BBS9: variants seen among roughly 807,000 people sequenced by gnomAD.
BBS9 encodes Bardet-Biedl syndrome 9.
A neutral mutation model predicts 117.7 loss-of-function variants in BBS9; 89 were observed. The observed-to-expected ratio is 0.76, with a 90% CI of 0.64 to 0.90. The LOEUF is 0.90. BBS9 is among the 40% of genes least tolerant of loss of function. The pLI is 0.00. For missense variants in BBS9, 982 were observed against 1,042.2 expected (o/e 0.94, Z 0.80); for synonymous variants, 379 against 370.9 (o/e 1.02, Z -0.25).
chr7:33,228,895 G>T (rs1349328424), intron 5 of BBS9, among the ~76,000 whole-genome samples: 3 of 151,938 alleles, frequency 2.0e-5, no homozygotes, highest in Non-Finnish European at 4.4e-5. Flanking sequence ...ACGTATAAGG[G>T]GACCCACACA....
intron 9 of BBS9, among the ~76,000 whole-genome samples, chr7:33,335,487 C>T (rs1423092795): frequency 6.6e-6 from 1 of 152,102 alleles, no homozygotes; most frequent in East Asian, 1.9e-4. Flanking sequence ...TGTATCAACT[C>T]AAAATGGCTT....
At chr7:33,169,637 C>T (rs1381283838) in intron 4 of BBS9, among the ~76,000 whole-genome samples, 53 of 150,318 alleles carry the variant, frequency 3.5e-4, no homozygotes, top group African/African-American at 9.8e-4. Context: ...TCATGTCCTT[C>T]GCCCACTTTT....
At chr7:33,617,492 A>T (rs143481417) in intron 21 of BBS9, among the ~76,000 whole-genome samples, 3,349 of 152,264 alleles carry the variant, frequency 0.022, 68 homozygotes, top group South Asian at 0.11. Flanking sequence ...GATCACAGAT[A>T]ATCAGGGAAA....
intron 20 of BBS9, among the ~76,000 whole-genome samples, chr7:33,507,472 G>A (rs1442607397): frequency 3.3e-5 from 5 of 152,118 alleles, no homozygotes; most frequent in Non-Finnish European, 7.3e-5. Context: ...TTGAACTCTT[G>A]ACCTCAAGTG....
intron 9 of BBS9, among the ~76,000 whole-genome samples, chr7:33,319,724 A>G (rs918743512): frequency 1.3e-5 from 2 of 152,218 alleles, no homozygotes; most frequent in Non-Finnish European, 2.9e-5. Flanking sequence ...TAATTAAACT[A>G]AAGAGCTTCT....
chr7:33,544,094 C>T (rs1331908162), intron 21 of BBS9, among the ~76,000 whole-genome samples: 5 of 152,004 alleles, frequency 3.3e-5, no homozygotes, highest in African/African-American at 1.2e-4. Flanking sequence ...AATATTTCTC[C>T]TTTCACTTCT....
chr7:33,446,764 C>T (rs1025683751), intron 19 of BBS9, among the ~76,000 whole-genome samples: 3 of 152,116 alleles, frequency 2.0e-5, no homozygotes, highest in African/African-American at 4.8e-5. Flanking sequence ...GCAATATTAG[C>T]GAAAGAAATT....
At chr7:33,311,359 T>G (rs1225532927) in intron 9 of BBS9, among the ~76,000 whole-genome samples, 1 of 152,136 alleles carries the variant, frequency 6.6e-6, no homozygotes, top group Non-Finnish European at 1.5e-5. Flanking sequence ...GATTTGCATT[T>G]TATAGAAGGC....
chr7:33,371,990 G>A (rs904780004), intron 17 of BBS9, among the ~76,000 whole-genome samples: 5 of 152,140 alleles, frequency 3.3e-5, no homozygotes, highest in African/African-American at 1.2e-4. Flanking sequence ...TAAGGAAATC[G>A]GTGACGATTA....
chr7:33,408,200 T>C (rs1400352036), intron 19 of BBS9, among the ~76,000 whole-genome samples: 1 of 152,180 alleles, frequency 6.6e-6, no homozygotes, highest in Non-Finnish European at 1.5e-5. Flanking sequence ...ACTGCTGTGC[T>C]AGCAATCAGC....
chr7:33,536,413 C>T (rs902455502), intron 21 of BBS9, among the ~76,000 whole-genome samples: 14 of 152,154 alleles, frequency 9.2e-5, no homozygotes, highest in African/African-American at 3.1e-4. Context: ...TTCCCTATAA[C>T]TCAGATTTTT....
At position 33,146,286 on chromosome 7, in the gene BBS9, A is replaced by C. The variant is rs4498440; in HGVS notation, c.34A>C (p.Thr12Pro). 1.9e-6 allele frequency: 3 copies of C among 1,614,022 alleles called. No homozygotes were observed. The highest frequency in any genetic ancestry group is 2.5e-6 in the Non-Finnish European group (3 of 1,179,896). The change falls in exon 2 of 23, where the codon ACT becomes CCT. Residue 12 changes from threonine (T) to proline (P), a missense_variant. By Grantham distance (38) the Thr-to-Pro change is conservative. Transcript: ENST00000242067. ...SLFKARDWWS[T>P]ILGDKEEFDQ... ...ATTTAAAGCCCGTGATTGGTGGTCTACTATTCTGGGAGATAAAGAAGAATT... is the reference window on the plus strand; with the variant it reads ...ATTTAAAGCCCGTGATTGGTGGTCTCCTATTCTGGGAGATAAAGAAGAATT...
chr7:33,351,452 A>G (rs767737791), intron 14 of BBS9, 129 bp downstream of exon 14: 2 of 748,518 alleles, frequency 2.7e-6, no homozygotes, highest in South Asian at 2.9e-5. Flanking sequence ...ACTGTTAAGT[A>G]AAATCATGTT....
intron 21 of BBS9, among the ~76,000 whole-genome samples, chr7:33,602,205 T>TACACAGC (rs4000118): frequency 0.45 from 68,425 of 151,762 alleles, 20,158 homozygotes; most frequent in African/African-American, 0.81. Context: ...CAGGTGCAGC[T>TACACAGC]ACACAGCCCT....
chr7:33,154,419 C>T (rs184184298), intron 3 of BBS9, among the ~76,000 whole-genome samples: 126 of 152,218 alleles, frequency 8.3e-4, no homozygotes, highest in Non-Finnish European at 5.9e-4. Context: ...TCTAAACAGG[C>T]GTTGTACACT....
At chr7:33,335,163 T>C (rs972785925) in intron 9 of BBS9, among the ~76,000 whole-genome samples, 21 of 152,242 alleles carry the variant, frequency 1.4e-4, no homozygotes, top group Admixed American at 2.6e-4. Flanking sequence ...ATCTGTTATA[T>C]ACTTTATGTC....
intron 3 of BBS9, among the ~76,000 whole-genome samples, chr7:33,155,164 T>C (rs1346720975): frequency 6.6e-6 from 1 of 152,244 alleles, no homozygotes; most frequent in Non-Finnish European, 1.5e-5. Flanking sequence ...TGATATATGC[T>C]ACTTGTAATA....
In BBS9 at chr7:33,235,735, C is replaced by T. The variant is rs375950242; in HGVS notation, c.443-21501C>T. ...TGGAAATATGTATGCACTAAAGATTCAAAGTCACTGAGGTAGTGGATACAT... is the reference window on the plus strand; with the variant it reads ...TGGAAATATGTATGCACTAAAGATTTAAAGTCACTGAGGTAGTGGATACAT... On this transcript the variant is annotated intron_variant, in intron 5 of 22. Coordinates refer to ENST00000242067, the MANE Select transcript of BBS9 (RefSeq NM_198428.3). Among the ~76,000 whole-genome samples the T allele has an allele frequency of 3.9e-5, 6 of 152,182 alleles. No individual in the cohort carries two copies. The South Asian group carries it at 1.0e-3, about 26-fold the overall frequency.
rs1400528796 is a variant in BBS9, at chr7:33,290,143, G to C, written c.1016+16187G>C. 2.0e-5 allele frequency among the ~76,000 whole-genome samples: 3 copies of C among 152,150 alleles called. No homozygotes were observed. In the East Asian group the frequency reaches 5.8e-4, roughly 29 times the overall value. On this transcript the variant is annotated intron_variant, in intron 9 of 22. Coordinates refer to ENST00000242067, the MANE Select transcript of BBS9 (RefSeq NM_198428.3). ...ATGTCGCAATAACTTAAAGCATTTA[G>C]GAATGTAAAAATTCTGCTTTTTGCC...
Sources: gnomAD v4.1 joint callset for allele counts (sites outside exome capture counted in the v4.1 genomes callset) on GRCh38, gnomAD v4.1.1 for gene constraint, MANE v1.5 for transcripts, NCBI Gene and HGNC (gene_info 2026-07-23, HGNC 2026-07-21) for gene names.